ELAPOR2: variants seen among roughly 807,000 people sequenced by gnomAD.
ELAPOR2 encodes endosome-lysosome associated apoptosis and autophagy regulator family member 2.
A neutral mutation model predicts 120.7 loss-of-function variants in ELAPOR2; 89 were observed. The ratio of observed to expected loss-of-function variants is 0.74; its 90% confidence interval spans 0.62 to 0.88. The LOEUF (loss-of-function observed/expected upper bound fraction) is 0.88. Among genes scored for constraint, ELAPOR2 ranks in the 40% least tolerant of loss-of-function variants. The probability of loss-of-function intolerance (pLI) is 0.00; values close to 1 mark genes in which losing one functional copy is unlikely to be tolerated. For synonymous variants in ELAPOR2, 444 were observed against 444.9 expected (o/e 1.00, Z 0.03); for missense variants, 1,134 against 1,251.6 (o/e 0.91, Z 1.42).
At chr7:87,038,964 C>T (rs973456937) in intron 1 of ELAPOR2, among the ~76,000 whole-genome samples, 7 of 151,124 alleles carry the variant, frequency 4.6e-5, no homozygotes, top group East Asian at 3.9e-4. Flanking sequence ...AAAATACAAA[C>T]GATCAATGAA....
chr7:86,943,721 T>C (rs949663954), intron 4 of ELAPOR2, among the ~76,000 whole-genome samples: 1 of 152,058 alleles, frequency 6.6e-6, no homozygotes, highest in Non-Finnish European at 1.5e-5. Context: ...GTTTTAGCAA[T>C]GTTGCCAAAA....
Position 86,877,102 on chromosome 7 carries a change from T to C in ELAPOR2, c.*3369A>G, listed in dbSNP as rs1799198420. ...TGCTGGGCTCTGATCTAGACAAGTG[T>C]AATCATAATAGCGAATAATATCAAT... On this transcript the variant is annotated 3_prime_UTR_variant, in exon 22 of 22. Transcript: ENST00000450689. The C allele has an allele frequency of 6.6e-6, 1 of 152,198 alleles. No individual in the cohort carries two copies. Among genetic ancestry groups the C allele is most frequent in the Non-Finnish European group, 1.5e-5 (1 of 68,022 alleles). 9.4% of individuals were successfully genotyped at this position (152,198 alleles called of 1,614,324 possible).
intron 6 of ELAPOR2, among the ~76,000 whole-genome samples, chr7:86,939,645 T>C (rs1300451496): frequency 1.3e-5 from 2 of 152,102 alleles, no homozygotes; most frequent in Non-Finnish European, 2.9e-5. Context: ...TTTATGGATA[T>C]AGCAGTGACT....
At chr7:86,979,921 T>C (rs1162640998) in intron 1 of ELAPOR2, among the ~76,000 whole-genome samples, 1 of 152,112 alleles carries the variant, frequency 6.6e-6, no homozygotes, top group African/African-American at 2.4e-5. Flanking sequence ...TTTCCACTTA[T>C]CACTAGAGAC....
rs150353567 is a variant in ELAPOR2 at position 86,883,391 on chromosome 7, C to G, written c.3031-2861G>C. Among the ~76,000 whole-genome samples, 154 of 152,182 alleles carry G rather than the reference C, an allele frequency of 1.0e-3. No individual in the cohort carries two copies. In the Middle Eastern group the frequency reaches 0.014, roughly 13 times the overall value. Reference sequence around the variant, plus strand: ...AATGAACATAAACATTTTTTGCTCTCTGAAATCATGTATAACAAACTTCTT... The same window carrying G: ...AATGAACATAAACATTTTTTGCTCTGTGAAATCATGTATAACAAACTTCTT... On this transcript the variant is annotated intron_variant, in intron 21 of 21. Coordinates refer to ENST00000450689, the MANE Select transcript of ELAPOR2 (RefSeq NM_001142749.3).
intron 1 of ELAPOR2, among the ~76,000 whole-genome samples, chr7:87,031,842 C>T (rs1794431622): frequency 6.6e-6 from 1 of 152,070 alleles, no homozygotes. Flanking sequence ...TAGACTACTA[C>T]TCAGCAGAAA....
At chr7:86,938,046 C>A in intron 8 of ELAPOR2, 80 bp downstream of exon 8, 1 of 1,066,190 alleles carries the variant, frequency 9.4e-7, no homozygotes, top group Non-Finnish European at 1.4e-6. Flanking sequence ...AAATATCTCT[C>A]ACGAACAAAT....
chr7:86,984,226 C>T (rs111442952), intron 1 of ELAPOR2, among the ~76,000 whole-genome samples: 4 of 152,122 alleles, frequency 2.6e-5, no homozygotes, highest in African/African-American at 9.7e-5. Flanking sequence ...GACTCCCACA[C>T]AATAATAATG....
Position 87,006,190 on chromosome 7 carries a change from C to T in ELAPOR2, c.190-41166G>A, listed in dbSNP as rs553565408. ...AGAATTTAGAATCAGCACAGGACTT[C>T]AACAGAAACTTCCCAAAGAAAGATA... is the stretch of plus-strand genomic sequence containing the variant. On this transcript the variant is annotated intron_variant, in intron 1 of 21. Coordinates refer to ENST00000450689, the MANE Select transcript of ELAPOR2 (RefSeq NM_001142749.3). Among the ~76,000 whole-genome samples the T allele has an allele frequency of 1.5e-3, 235 of 152,184 alleles. 3 individuals are homozygous for T. Among genetic ancestry groups the T allele is most frequent in the Admixed American group, 3.9e-3 (60 of 15,276 alleles).
In ELAPOR2 at chr7:86,912,019, A is replaced by C. The variant is rs1331202689; in HGVS notation, c.2169+53T>G. On this transcript the variant is annotated intron_variant, in intron 15 of 21. Transcript: ENST00000450689. ...TGGTCCATTAACACAGAAAATATCA[A>C]CTTGATCGGAGCTGAAATATAGGTC... The C allele has an allele frequency of 8.5e-6, 13 of 1,523,306 alleles. No individual in the cohort carries two copies. The Middle Eastern group carries it at 5.2e-4, about 61-fold the overall frequency. 94.4% of individuals were successfully genotyped at this position (1,523,306 alleles called of 1,614,324 possible).
At chr7:87,000,765 T>C (rs1322892180) in intron 1 of ELAPOR2, among the ~76,000 whole-genome samples, 3 of 152,174 alleles carry the variant, frequency 2.0e-5, no homozygotes, top group African/African-American at 2.4e-5. Flanking sequence ...TATCAAAAAG[T>C]AGCTATGTTG....
At chr7:87,046,410 G>C (rs762330053) in intron 1 of ELAPOR2, among the ~76,000 whole-genome samples, 8 of 152,082 alleles carry the variant, frequency 5.3e-5, no homozygotes, top group African/African-American at 1.2e-4. Flanking sequence ...CCCTATCAAA[G>C]TACCTACGAT....
intron 2 of ELAPOR2, among the ~76,000 whole-genome samples, chr7:86,963,428 C>T (rs1205333741): frequency 6.6e-6 from 1 of 152,072 alleles, no homozygotes; most frequent in African/African-American, 2.4e-5. Flanking sequence ...GGAAGGGATG[C>T]CCTTGATTTG....
chr7:86,993,234 CA>C (rs1159917841), intron 1 of ELAPOR2, among the ~76,000 whole-genome samples: 4,926 of 57,040 alleles, frequency 0.086, 214 homozygotes, highest in African/African-American at 0.24. Context: ...GACTCCATCT[CA>C]AAAAAAAAAA....
At chr7:87,048,299 TA>T (rs1357633827) in intron 1 of ELAPOR2, among the ~76,000 whole-genome samples, 4 of 150,250 alleles carry the variant, frequency 2.7e-5, no homozygotes, top group East Asian at 1.9e-4. Context: ...TATTCAGACA[TA>T]AAAAAAGAAT....
intron 12 of ELAPOR2, among the ~76,000 whole-genome samples, chr7:86,917,528 T>G (rs891404931): frequency 6.6e-6 from 1 of 152,162 alleles, no homozygotes; most frequent in African/African-American, 2.4e-5. Context: ...TAGTCTGCAT[T>G]TCAGCAATGG....
intron 1 of ELAPOR2, among the ~76,000 whole-genome samples, chr7:87,022,100 TTAAG>T (rs1018984159): frequency 5.6e-4 from 86 of 152,272 alleles, no homozygotes; most frequent in African/African-American, 1.9e-3. Flanking sequence ...GTATTATACT[TTAAG>T]TTTTAGGGTA....
intron 2 of ELAPOR2, among the ~76,000 whole-genome samples, chr7:86,957,200 T>C (rs570529351): frequency 6.6e-6 from 1 of 152,370 alleles, no homozygotes; most frequent in East Asian, 1.9e-4. Flanking sequence ...TTTAACTTTG[T>C]CTTCGCACAC....
chr7:86,891,238 A>T (rs1788146426), intron 21 of ELAPOR2: 1 of 152,140 alleles, frequency 6.6e-6, no homozygotes, highest in South Asian at 2.1e-4. Context: ...ATATTATAAA[A>T]TAGTATCTTT....
Sources: allele counts gnomAD v4.1 joint callset (sites outside exome capture counted in the v4.1 genomes callset), GRCh38; gene constraint gnomAD v4.1.1; transcripts MANE v1.5; gene names NCBI Gene and HGNC (gene_info 2026-07-23, HGNC 2026-07-21).